CCSER1: variants seen among roughly 807,000 people sequenced by gnomAD.
CCSER1 encodes the protein serine-rich coiled-coil domain-containing protein 1.
A neutral mutation model predicts 82.0 loss-of-function variants in CCSER1; 41 were observed. The observed-to-expected ratio is 0.50, with a 90% confidence interval of 0.39 to 0.65. The LOEUF is 0.65. Among genes scored for constraint, CCSER1 ranks in the 30% least tolerant of loss-of-function variants. The pLI is 0.00. For synonymous variants in CCSER1, 414 were observed against 383.9 expected (o/e 1.08, Z -0.92); for missense variants, 1,119 against 1,064.2 (o/e 1.05, Z -0.72).
At chr4:91,538,585 G>T (rs1353660619) in intron 10 of CCSER1, among the ~76,000 whole-genome samples, 1 of 150,534 alleles carries the variant, frequency 6.6e-6, no homozygotes, top group Admixed American at 6.7e-5. Flanking sequence ...CAAACAGCAG[G>T]ACTGCTGTGC....
intron 10 of CCSER1, among the ~76,000 whole-genome samples, chr4:91,351,715 T>C (rs1748483440): frequency 6.6e-6 from 1 of 152,156 alleles, no homozygotes; most frequent in Non-Finnish European, 1.5e-5. Flanking sequence ...AGAATAATAA[T>C]AGGCAGAAAA....
intron 3 of CCSER1, among the ~76,000 whole-genome samples, chr4:90,362,223 A>G (rs1274230353): frequency 6.6e-6 from 1 of 152,196 alleles, no homozygotes; most frequent in Non-Finnish European, 1.5e-5. Flanking sequence ...TAAATTTTGG[A>G]CGATAATACT....
intron 6 of CCSER1, among the ~76,000 whole-genome samples, chr4:90,708,349 C>A (rs559475045): frequency 6.6e-6 from 1 of 152,294 alleles, no homozygotes; most frequent in South Asian, 2.1e-4. Flanking sequence ...ACGTTCTCTG[C>A]ATGTGATCCT....
intron 5 of CCSER1, among the ~76,000 whole-genome samples, chr4:90,474,612 T>C (rs945577636): frequency 1.3e-5 from 2 of 152,272 alleles, no homozygotes; most frequent in African/African-American, 2.4e-5. Context: ...CATCATAGCA[T>C]TGGGAAATTC....
chr4:90,216,745 T>G (rs1741109496), intron 1 of CCSER1, among the ~76,000 whole-genome samples: 1 of 152,208 alleles, frequency 6.6e-6, no homozygotes, highest in Admixed American at 6.5e-5. Context: ...TAGGATTTCT[T>G]TGGATATTTA....
chr4:91,365,405 C>G (rs1264628029), intron 10 of CCSER1, among the ~76,000 whole-genome samples: 1 of 152,104 alleles, frequency 6.6e-6, no homozygotes. Flanking sequence ...ATATTACTTT[C>G]AATAACACAT....
rs918980498 is a variant in CCSER1 at position 90,818,723 on chromosome 4, T to G, written c.2094+2878T>G. 3.3e-5 allele frequency among the ~76,000 whole-genome samples: 5 copies of G among 152,332 alleles called. 1 individual carries two copies. The highest frequency in any genetic ancestry group is 5.9e-5 in the Non-Finnish European group (4 of 68,036). On this transcript the variant is annotated intron_variant, in intron 8 of 10. Transcript: ENST00000509176. ...AGCAGCATCCCTAGCCTCTCTCCTC[T>G]AGATGCCAGTAGCACCTCTACACAT... is the stretch of plus-strand genomic sequence containing the variant.
chr4:91,365,894 A>G (rs1749582159), intron 10 of CCSER1, among the ~76,000 whole-genome samples: 1 of 152,154 alleles, frequency 6.6e-6, no homozygotes, highest in South Asian at 2.1e-4. Flanking sequence ...GAAGTTCCCT[A>G]TGGCTTTGTC....
At chr4:91,066,023 G>A (rs1286626679) in intron 9 of CCSER1, among the ~76,000 whole-genome samples, 1 of 151,900 alleles carries the variant, frequency 6.6e-6, no homozygotes, top group Non-Finnish European at 1.5e-5. Flanking sequence ...AATTTTCTTT[G>A]CGTTTTATAC....
At chr4:90,628,305 T>C in intron 6 of CCSER1, 73 bp downstream of exon 6, 1 of 1,197,408 alleles carries the variant, frequency 8.4e-7, no homozygotes, top group South Asian at 1.3e-5. Context: ...GGTTAGACCC[T>C]GCTCTGTCAG....
At chr4:91,078,055 G>T (rs941861839) in intron 9 of CCSER1, among the ~76,000 whole-genome samples, 2 of 152,232 alleles carry the variant, frequency 1.3e-5, no homozygotes, top group Admixed American at 1.3e-4. Context: ...AACTTCTGCA[G>T]ACTTAAATGT....
intron 5 of CCSER1, chr4:90,468,758 T>C (rs1763960737): frequency 6.6e-6 from 1 of 152,454 alleles, no homozygotes; most frequent in South Asian, 2.1e-4. Context: ...TGTAAGTTAT[T>C]ATTTTAAAAT....
intron 10 of CCSER1, among the ~76,000 whole-genome samples, chr4:91,345,386 C>T (rs1199942722): frequency 6.6e-6 from 1 of 151,090 alleles, no homozygotes; most frequent in African/African-American, 2.4e-5. Flanking sequence ...AACTCCATCT[C>T]AAAAATGAAG....
At chr4:91,426,349 C>T (rs557246791) in intron 10 of CCSER1, among the ~76,000 whole-genome samples, 20 of 152,146 alleles carry the variant, frequency 1.3e-4, no homozygotes, top group Middle Eastern at 6.8e-3. Flanking sequence ...AATAAACATA[C>T]GTGCACATAT....
intron 5 of CCSER1, among the ~76,000 whole-genome samples, chr4:90,479,622 C>T (rs745348687): frequency 2.0e-5 from 3 of 151,684 alleles, no homozygotes; most frequent in African/African-American, 7.3e-5. Context: ...TGAGAATATG[C>T]GGTGTTTGGT....
rs1429582640 is a variant in CCSER1 at position 90,815,819 on chromosome 4, C to T, written c.2068C>T (p.Leu690Phe). ...LKLQLKEKDELISQLQEELGK... is the reference protein window; with the variant it reads ...LKLQLKEKDEFISQLQEELGK... ...GCTGCAGCTGAAAGAGAAGGATGAACTCATTTCCCAACTTCAGGAAGAGCT... is the reference window on the plus strand; with the variant it reads ...GCTGCAGCTGAAAGAGAAGGATGAATTCATTTCCCAACTTCAGGAAGAGCT... The change falls in exon 8 of 11, where the codon CTC becomes TTC. Residue 690 changes from leucine (L) to phenylalanine (F), a missense_variant. By Grantham distance (22) the Leu-to-Phe change is conservative. Transcript: ENST00000509176. 6.4e-7 allele frequency: 1 copy of T among 1,551,090 alleles called. No individual in the cohort carries two copies. Among genetic ancestry groups the T allele is most frequent in the South Asian group, 1.2e-5 (1 of 84,012 alleles).
chr4:91,140,129 T>G (rs1728887942), intron 10 of CCSER1, among the ~76,000 whole-genome samples: 1 of 152,054 alleles, frequency 6.6e-6, no homozygotes, highest in African/African-American at 2.4e-5. Flanking sequence ...GTAGAGTGTA[T>G]GAAATTATTT....
At chr4:91,299,688 T>C (rs1050126574) in intron 10 of CCSER1, among the ~76,000 whole-genome samples, 5 of 151,992 alleles carry the variant, frequency 3.3e-5, no homozygotes, top group African/African-American at 1.2e-4. Context: ...AAATAAAAAC[T>C]GATTTTTTAT....
intron 3 of CCSER1, among the ~76,000 whole-genome samples, chr4:90,391,511 A>G (rs1226960867): frequency 7.3e-6 from 1 of 136,276 alleles, no homozygotes; most frequent in Non-Finnish European, 1.6e-5. Flanking sequence ...GTAAATATAT[A>G]TATATATATA....
Sources: gnomAD v4.1 joint callset for allele counts (sites outside exome capture counted in the v4.1 genomes callset) on GRCh38, gnomAD v4.1.1 for gene constraint, MANE v1.5 for transcripts, NCBI Gene and HGNC (gene_info 2026-07-23, HGNC 2026-07-21) for gene names.